TTLL9: variants seen among roughly 807,000 people sequenced by gnomAD.
TTLL9 encodes probable tubulin polyglutamylase TTLL9.
A neutral mutation model predicts 65.6 loss-of-function variants in TTLL9; 47 were observed. That is an observed-to-expected ratio of 0.72 (90% confidence interval 0.57 to 0.91). The LOEUF is 0.91. Among genes scored for constraint, TTLL9 ranks in the 40% least tolerant of loss-of-function variants. The pLI is 0.00. For synonymous variants in TTLL9, 179 were observed against 204.8 expected, an observed-to-expected ratio of 0.87 and a Z score of 1.07; for missense variants, 537 against 568.8, an observed-to-expected ratio of 0.94 and a Z score of 0.57.
chr20:31,943,120 C>A lies in TTLL9; in HGVS notation c.*99C>A. On this transcript the variant is annotated 3_prime_UTR_variant, in exon 15 of 15. Coordinates refer to ENST00000535842, the MANE Select transcript of TTLL9 (RefSeq NM_001008409.5). ...CAGCACCTCACAGCATTCGCCTCCC[C>A]ACCTCCAGCCTGGCACCAGCTTTGC... is the stretch of plus-strand genomic sequence containing the variant. The A allele has an allele frequency of 8.8e-7, 1 of 1,135,324 alleles. No individual in the cohort carries two copies. The highest frequency in any genetic ancestry group is 2.4e-5 in the East Asian group (1 of 42,240). The allele number at this position is 1,135,324 out of a possible 1,614,324, so 70.3% of individuals were successfully genotyped here. A position where few individuals can be genotyped will look rare whatever the true frequency, so the allele number is the denominator to read the frequency against.
intron 3 of TTLL9, among the ~76,000 whole-genome samples, chr20:31,893,483 A>T (rs1225720199): frequency 2.0e-5 from 3 of 151,442 alleles, no homozygotes; most frequent in Non-Finnish European, 4.4e-5. Flanking sequence ...TAGAGACCAG[A>T]TTTCTCCATG....
At chr20:31,939,291 G>C (rs756963759) in intron 14 of TTLL9, 25 bp downstream of exon 14, 1 of 1,612,376 alleles carries the variant, frequency 6.2e-7, no homozygotes, top group Admixed American at 1.7e-5. Context: ...GTGGGGAGTG[G>C]GCACAAGGGA....
intron 2 of TTLL9, among the ~76,000 whole-genome samples, chr20:31,881,618 T>TG (rs1351313085): frequency 6.6e-6 from 1 of 151,060 alleles, no homozygotes; most frequent in African/African-American, 2.4e-5. Flanking sequence ...TTTTTTTTTT[T>TG]TTTTGGAGAC....
At chr20:31,871,437 T>A (rs1485155617) in intron 2 of TTLL9, among the ~76,000 whole-genome samples, 1 of 152,122 alleles carries the variant, frequency 6.6e-6, no homozygotes, top group Non-Finnish European at 1.5e-5. Context: ...AGCTGGAGAA[T>A]GTAAAATAAT....
At chr20:31,934,580 C>T (rs2064076451) in intron 11 of TTLL9, 112 bp from the exon 12 acceptor site, 1 of 1,003,214 alleles carries the variant, frequency 1.0e-6, no homozygotes. Flanking sequence ...CAGGGCTGGG[C>T]CCCTCTTGCC....
At chr20:31,890,486 T>A (rs1423195484) in intron 3 of TTLL9, among the ~76,000 whole-genome samples, 1 of 152,128 alleles carries the variant, frequency 6.6e-6, no homozygotes, top group Admixed American at 6.6e-5. Flanking sequence ...TATTTACCCA[T>A]CTTCCTGTGG....
At chr20:31,871,931 ATAGT>A (rs1312720142) in intron 2 of TTLL9, among the ~76,000 whole-genome samples, 1 of 152,236 alleles carries the variant, frequency 6.6e-6, no homozygotes, top group Non-Finnish European at 1.5e-5. Context: ...ATTTCAACAT[ATAGT>A]CAGTATTTTA....
intron 12 of TTLL9, among the ~76,000 whole-genome samples, chr20:31,936,219 G>C (rs1380521848): frequency 1.3e-5 from 2 of 152,168 alleles, no homozygotes; most frequent in African/African-American, 4.8e-5. Context: ...TTGGCCTGCA[G>C]ATACTTCGAA....
At position 31,925,041 on chromosome 20, in the gene TTLL9, G is replaced by A. The variant is rs758575451; in HGVS notation, c.697G>A (p.Val233Met). 1 of 1,613,976 alleles carries A rather than the reference G, an allele frequency of 6.2e-7. No individual in the cohort carries two copies. The highest frequency in any genetic ancestry group is 8.5e-7 in the Non-Finnish European group (1 of 1,179,998). ...RKFDLRVYVL[V>M]MSVFAECLLW... is the part of the protein sequence containing the mutation. ...GTTTGACCTGCGTGTCTATGTGCTG[G>A]TGATGTCGGTGAGTAACAAAGGTGG... The change falls in exon 9 of 15, where the codon GTG becomes ATG. Residue 233 changes from valine to methionine, a missense_variant. Transcript: ENST00000535842.
chr20:31,938,667 C>T (rs571140430), intron 13 of TTLL9, among the ~76,000 whole-genome samples: 1 of 152,264 alleles, frequency 6.6e-6, no homozygotes, highest in East Asian at 1.9e-4. Flanking sequence ...CACTTGAGGT[C>T]AGGCGTTTGA....
At chr20:31,917,131 C>T (rs2063747345) in intron 6 of TTLL9, among the ~76,000 whole-genome samples, 1 of 152,166 alleles carries the variant, frequency 6.6e-6, no homozygotes, top group African/African-American at 2.4e-5. Flanking sequence ...TATAGGGGCA[C>T]AGTATGAATT....
intron 4 of TTLL9, among the ~76,000 whole-genome samples, chr20:31,902,936 C>G (rs1326694205): frequency 1.3e-5 from 2 of 150,856 alleles, no homozygotes; most frequent in Non-Finnish European, 2.9e-5. Flanking sequence ...CAATCACAGC[C>G]AACTACAACC....
chr20:31,943,333 T>C lies in TTLL9; in HGVS notation c.*312T>C. The C allele has an allele frequency of 2.4e-6, 1 of 422,592 alleles. No individual in the cohort carries two copies. The allele number at this position is 422,592 out of a possible 1,614,324, so 26.2% of individuals were successfully genotyped here. ...AAGTTCTGCTACCCCCAGGAGATCATATCTAATAAATGAGCACAGGCCCTA... is the reference window on the plus strand; with the variant it reads ...AAGTTCTGCTACCCCCAGGAGATCACATCTAATAAATGAGCACAGGCCCTA... On this transcript the variant is annotated 3_prime_UTR_variant, in exon 15 of 15. Transcript: ENST00000535842.
At chr20:31,890,052 TTCTTTC>T (rs1295227751) in intron 3 of TTLL9, among the ~76,000 whole-genome samples, 8 of 131,618 alleles carry the variant, frequency 6.1e-5, no homozygotes, top group African/African-American at 1.8e-4. Context: ...CCTTCTTTCT[TTCTTTC>T]TCTTTCTTTC....
chr20:31,912,946 C>G (rs1471806060), intron 6 of TTLL9, among the ~76,000 whole-genome samples: 1 of 151,944 alleles, frequency 6.6e-6, no homozygotes, highest in African/African-American at 2.4e-5. Flanking sequence ...TCGCTTGATC[C>G]CAGGAGCTTG....
chr20:31,927,030 A>G (rs1018126805), intron 10 of TTLL9, among the ~76,000 whole-genome samples: 2 of 151,962 alleles, frequency 1.3e-5, no homozygotes, highest in Non-Finnish European at 2.9e-5. Context: ...TGGGAGGATC[A>G]CTTGAGCCCA....
chr20:31,906,199 G>C (rs1427217419), intron 4 of TTLL9, among the ~76,000 whole-genome samples: 1 of 152,188 alleles, frequency 6.6e-6, no homozygotes, highest in African/African-American at 2.4e-5. Context: ...TCCTGAGTCA[G>C]GGACTCTTAC....
intron 2 of TTLL9, among the ~76,000 whole-genome samples, chr20:31,876,727 G>A (rs939321716): frequency 1.3e-5 from 2 of 152,142 alleles, no homozygotes; most frequent in African/African-American, 4.8e-5. Context: ...AACTTTATGA[G>A]ATATTGCCAA....
chr20:31,921,725 A>T (rs1303907732), intron 7 of TTLL9, among the ~76,000 whole-genome samples: 1 of 152,210 alleles, frequency 6.6e-6, no homozygotes, highest in African/African-American at 2.4e-5. Flanking sequence ...TTGCAAGGAC[A>T]GAAAACCAAA....
Sources: allele counts gnomAD v4.1 joint callset (sites outside exome capture counted in the v4.1 genomes callset), GRCh38; gene constraint gnomAD v4.1.1; transcripts MANE v1.5; gene names NCBI Gene and HGNC (gene_info 2026-07-23, HGNC 2026-07-21).